The following DPP6 variants were observed in gnomAD, a reference collection of about 807,000 sequenced individuals.
The protein encoded by DPP6 is A-type potassium channel modulatory protein DPP6.
In DPP6, 69 loss-of-function variants were observed where a neutral mutation model predicts 122.6. The observed-to-expected ratio is 0.56, with a 90% CI of 0.46 to 0.69. The LOEUF is 0.69. Ranked by LOEUF, DPP6 falls within the 30% of genes least tolerant of loss-of-function variation. The probability of loss-of-function intolerance (pLI) is 0.00; values close to 1 mark genes in which losing one functional copy is unlikely to be tolerated. For synonymous variants in DPP6, 418 were observed against 433.1 expected, an observed-to-expected ratio of 0.97 and a Z score of 0.43; for missense variants, 928 against 1,116.9, an observed-to-expected ratio of 0.83 and a Z score of 2.41.
At position 154,077,625 on chromosome 7, in the gene DPP6, G is replaced by A. The variant is rs536884409; in HGVS notation, c.243+24562G>A. Among the ~76,000 whole-genome samples, 341 of 151,778 alleles carry A rather than the reference G, an allele frequency of 2.2e-3. 1 individual carries two copies. The highest frequency in any genetic ancestry group is 8.1e-3 in the African/African-American group (334 of 41,430). ...AAAATGCTTCCTAGGAGGTAGAATG[G>A]CCCTGTTGAGAACCTTAAATAGATT... On this transcript the variant is annotated intron_variant, in intron 1 of 25. Transcript: ENST00000377770.
At chr7:154,142,592 T>A (rs1283832169) in intron 1 of DPP6, among the ~76,000 whole-genome samples, 2 of 152,220 alleles carry the variant, frequency 1.3e-5, no homozygotes, top group Non-Finnish European at 2.9e-5. Flanking sequence ...TTATACATGT[T>A]ACTTAGTTCT....
intron 1 of DPP6, among the ~76,000 whole-genome samples, chr7:154,110,236 A>G (rs542067179): frequency 6.6e-6 from 1 of 152,092 alleles, no homozygotes; most frequent in Non-Finnish European, 1.5e-5. Flanking sequence ...ATTCAATGCA[A>G]TGAGTTTGTT....
At chr7:153,944,670 T>TC (rs1418114957) in intron 1 of DPP6, among the ~76,000 whole-genome samples, 2 of 142,760 alleles carry the variant, frequency 1.4e-5, no homozygotes, top group African/African-American at 5.2e-5. Flanking sequence ...GTGGGTTTTT[T>TC]TTTTTTTTTT....
At chr7:154,221,177 A>G (rs150268053) in intron 1 of DPP6, among the ~76,000 whole-genome samples, 10 of 152,084 alleles carry the variant, frequency 6.6e-5, no homozygotes, top group East Asian at 1.9e-4. Flanking sequence ...GTCTCGTTCT[A>G]TCACCCAGGC....
At chr7:154,867,944 C>A in intron 17 of DPP6, 51 bp from the exon 18 acceptor site, 1 of 1,543,242 alleles carries the variant, frequency 6.5e-7, no homozygotes, top group South Asian at 1.2e-5. Flanking sequence ...CGCAGAGGTC[C>A]TCCATGAGTG....
At position 154,426,915 on chromosome 7, in the gene DPP6, A is replaced by G. The variant is rs115793075; in HGVS notation, c.244-19299A>G. ...TATTTGTTTCCTACCCTAGGAGTCA[A>G]AAGTGTTTGTTTAGAATAATGTGTA... is the stretch of plus-strand genomic sequence containing the variant. On this transcript the variant is annotated intron_variant, in intron 1 of 25. Coordinates refer to ENST00000377770, the MANE Select transcript of DPP6 (RefSeq NM_130797.4). 3.8e-3 allele frequency among the ~76,000 whole-genome samples: 577 copies of G among 152,228 alleles called. 3 individuals are homozygous for G. The highest frequency in any genetic ancestry group is 0.013 in the African/African-American group (543 of 41,538).
Position 153,904,548 on chromosome 7 carries a change from T to TCTCACTTACC in DPP6, c.51+16817_51+16826dup, listed in dbSNP as rs1395074028. ...TAGTGGTAACAGTGAGCACTTTGAA[T>TCTCACTTACC]CTCACTTACCCTAATCATTTCTTGA... is the stretch of plus-strand genomic sequence containing the variant. On this transcript the variant is annotated intron_variant, in intron 1 of 25. Coordinates refer to the DPP6 transcript ENST00000404039. Among the ~76,000 whole-genome samples the TCTCACTTACC allele has an allele frequency of 5.9e-5, 9 of 152,280 alleles. No individual in the cohort carries two copies. In the East Asian group the frequency reaches 1.7e-3, roughly 29 times the overall value.
At chr7:154,592,446 C>T (rs1474748986) in intron 5 of DPP6, among the ~76,000 whole-genome samples, 1 of 152,258 alleles carries the variant, frequency 6.6e-6, no homozygotes, top group East Asian at 1.9e-4. Context: ...CTCGCAGGCA[C>T]AGGGAATACT....
rs182054273 is a variant in DPP6 at position 153,982,697 on chromosome 7, T to G, written c.51+94963T>G. On this transcript the variant is annotated intron_variant, in intron 1 of 25. Transcript: ENST00000404039. ...TCATGGATTTCTCTACCTTTGGTATTTGATGTTGGTGACCTTCAGTTGGGG... is the reference window on the plus strand; with the variant it reads ...TCATGGATTTCTCTACCTTTGGTATGTGATGTTGGTGACCTTCAGTTGGGG... Among the ~76,000 whole-genome samples the G allele has an allele frequency of 3.6e-3, 546 of 152,294 alleles. 3 individuals carry two copies. Among genetic ancestry groups the G allele is most frequent in the African/African-American group, 0.012 (514 of 41,560 alleles).
At chr7:154,612,938 G>A (rs564518919) in intron 5 of DPP6, among the ~76,000 whole-genome samples, 79 of 152,314 alleles carry the variant, frequency 5.2e-4, no homozygotes, top group East Asian at 2.1e-3. Context: ...CAGTTCAGGG[G>A]AAAGTTTAAG....
chr7:153,858,074 C>T, the DPP6 span, among the ~76,000 whole-genome samples: 1 of 152,158 alleles, frequency 6.6e-6, no homozygotes. Flanking sequence ...CTTCTAAGGA[C>T]AGTTGAGGAA....
chr7:154,387,259 G>T (rs767214400), intron 1 of DPP6, among the ~76,000 whole-genome samples: 1 of 152,170 alleles, frequency 6.6e-6, no homozygotes, highest in Non-Finnish European at 1.5e-5. Context: ...TTCTTGATAT[G>T]TGCTGGTCCC....
chr7:154,209,122 C>T (rs1799604785), intron 1 of DPP6, among the ~76,000 whole-genome samples: 2 of 152,118 alleles, frequency 1.3e-5, no homozygotes, highest in African/African-American at 4.8e-5. Context: ...GAGAGTTCGC[C>T]ATCTTGATTC....
chr7:154,321,943 A>C (rs377384811), intron 1 of DPP6, among the ~76,000 whole-genome samples: 1 of 151,686 alleles, frequency 6.6e-6, no homozygotes, highest in African/African-American at 2.4e-5. Flanking sequence ...AAGGCTGAAA[A>C]CCCCCGCCAG....
At chr7:153,839,835 A>G in the DPP6 span, among the ~76,000 whole-genome samples, 1 of 152,222 alleles carries the variant, frequency 6.6e-6, no homozygotes, top group Non-Finnish European at 1.5e-5. Flanking sequence ...GTCTGATTCT[A>G]GGATCCAAAA....
intron 1 of DPP6, among the ~76,000 whole-genome samples, chr7:154,297,629 A>C (rs778876849): frequency 2.0e-5 from 3 of 152,172 alleles, no homozygotes; most frequent in Non-Finnish European, 4.4e-5. Context: ...ACGCCAGAAA[A>C]CCTAAAATAA....
At chr7:154,337,405 T>G (rs573230109) in intron 1 of DPP6, among the ~76,000 whole-genome samples, 1 of 152,228 alleles carries the variant, frequency 6.6e-6, no homozygotes, top group Non-Finnish European at 1.5e-5. Flanking sequence ...TTTTCAATAT[T>G]GTAATAGGCT....
chr7:153,802,273 G>A, the DPP6 span, among the ~76,000 whole-genome samples: 1 of 152,128 alleles, frequency 6.6e-6, no homozygotes, highest in Non-Finnish European at 1.5e-5. Flanking sequence ...CCCCAGGAGG[G>A]TTAAATGAGG....
intron 1 of DPP6, among the ~76,000 whole-genome samples, chr7:153,942,877 C>T (rs1447313025): frequency 2.6e-5 from 4 of 152,210 alleles, no homozygotes; most frequent in African/African-American, 4.8e-5. Flanking sequence ...CCAGCAATCA[C>T]AGTGAGTGTG....
Sources: gnomAD v4.1 joint callset for allele counts (sites outside exome capture counted in the v4.1 genomes callset) on GRCh38, gnomAD v4.1.1 for gene constraint, MANE v1.5 for transcripts, NCBI Gene and HGNC (gene_info 2026-07-23, HGNC 2026-07-21) for gene names.